TRIM2: variants seen among roughly 807,000 people sequenced by gnomAD.
TRIM2 encodes tripartite motif-containing protein 2.
A neutral mutation model predicts 75.2 loss-of-function variants in TRIM2; 20 were observed. The ratio of observed to expected loss-of-function variants is 0.27; its 90% CI spans 0.19 to 0.39. The LOEUF is 0.39. TRIM2 is among the 10% of genes least tolerant of loss of function. The pLI, the probability that TRIM2 is intolerant of heterozygous loss-of-function variation, is 1.00. For missense variants in TRIM2, 660 were observed against 990.8 expected (o/e 0.67, Z 4.48); for synonymous variants, 373 against 388.3 (o/e 0.96, Z 0.46).
intron 1 of TRIM2, among the ~76,000 whole-genome samples, chr4:153,234,389 G>A (rs1011732135): frequency 1.6e-4 from 24 of 152,318 alleles, no homozygotes; most frequent in Middle Eastern, 3.4e-3. Context: ...TTAGTGAGTT[G>A]CAGCCAGTTT....
intron 1 of TRIM2, among the ~76,000 whole-genome samples, chr4:153,159,277 C>T (rs1307032497): frequency 2.9e-5 from 4 of 136,472 alleles, no homozygotes; most frequent in African/African-American, 7.9e-5. Context: ...ATTAGAAGTT[C>T]ATTGAGTTTT....
chr4:153,284,482 G>T (rs1479233115), intron 3 of TRIM2, among the ~76,000 whole-genome samples: 1 of 152,212 alleles, frequency 6.6e-6, no homozygotes, highest in African/African-American at 2.4e-5. Flanking sequence ...GGGATTACAG[G>T]CATGAGCCAC....
chr4:153,189,215 A>T (rs1032346295), intron 1 of TRIM2, among the ~76,000 whole-genome samples: 2 of 152,182 alleles, frequency 1.3e-5, no homozygotes, highest in African/African-American at 4.8e-5. Flanking sequence ...TAAAATGAAG[A>T]CTGAGAGACC....
chr4:153,321,018 T>C (rs1768850401), intron 8 of TRIM2, among the ~76,000 whole-genome samples: 1 of 152,200 alleles, frequency 6.6e-6, no homozygotes, highest in Non-Finnish European at 1.5e-5. Flanking sequence ...TCTTATAGTT[T>C]CCCTGACTTA....
intron 6 of TRIM2, among the ~76,000 whole-genome samples, chr4:153,313,123 C>G (rs1402217840): frequency 6.6e-6 from 1 of 152,108 alleles, no homozygotes; most frequent in African/African-American, 2.4e-5. Flanking sequence ...GCACATATCC[C>G]CCTTCGAGGG....
chr4:153,276,315 C>T (rs759731204), intron 3 of TRIM2, 185 bp downstream of exon 3: 58 of 604,298 alleles, frequency 9.6e-5, no homozygotes, highest in Non-Finnish European at 1.3e-4. Context: ...ATTTAAATAA[C>T]GAAATCAATC....
intron 1 of TRIM2, among the ~76,000 whole-genome samples, chr4:153,167,927 A>G (rs907145332): frequency 1.3e-5 from 2 of 152,228 alleles, no homozygotes; most frequent in Non-Finnish European, 1.5e-5. Flanking sequence ...TTGGAAGCAC[A>G]GGAAATGGTA....
chr4:153,303,985 G>A (rs557087536), intron 6 of TRIM2, among the ~76,000 whole-genome samples: 1 of 152,292 alleles, frequency 6.6e-6, no homozygotes, highest in Admixed American at 6.5e-5. Context: ...CAGTTTAGAA[G>A]GAGACAGACA....
Position 153,166,749 on chromosome 4 carries a change from C to T in TRIM2, c.-49+13479C>T, listed in dbSNP as rs547679214. 3.3e-5 allele frequency among the ~76,000 whole-genome samples: 5 copies of T among 152,222 alleles called. No homozygotes were observed. In the East Asian group the frequency reaches 9.7e-4, roughly 29 times the overall value. On this transcript the variant is annotated intron_variant, in intron 1 of 11. Transcript: ENST00000437508. ...CTTTAATGGGACCATTTAGTTTCTT[C>T]TAAGACTAAGAAGCCTCCTAAGAAT...
At chr4:153,305,740 T>C (rs1443739026) in intron 6 of TRIM2, among the ~76,000 whole-genome samples, 1 of 152,258 alleles carries the variant, frequency 6.6e-6, no homozygotes, top group Non-Finnish European at 1.5e-5. Flanking sequence ...TCATGAGGGC[T>C]CTGCCCTCAC....
In TRIM2 at chr4:153,335,796, T is replaced by C. The variant is rs1465953514; in HGVS notation, c.*830T>C. The C allele has an allele frequency of 5.1e-6, 5 of 985,778 alleles. No individual in the cohort carries two copies. The African/African-American group carries it at 7.0e-5, about 14-fold the overall frequency. The allele number at this position is 985,778 out of a possible 1,614,324, so 61.1% of individuals were successfully genotyped here. A position where few individuals can be genotyped will look rare whatever the true frequency, so the allele number is the denominator to read the frequency against. On this transcript the variant is annotated 3_prime_UTR_variant, in exon 12 of 12. Transcript: ENST00000338700. ...GTAATCAAGAAAGTTAGTCATGTTT[T>C]ATGTACCATGTTTTCACACGTGTCT...
In TRIM2 at chr4:153,328,702, G is replaced by C. The variant is rs747871397; in HGVS notation, c.2163+32G>C. 38 of 1,537,478 alleles carry C rather than the reference G, an allele frequency of 2.5e-5. 1 individual carries two copies. The South Asian group carries it at 4.4e-4, about 18-fold the overall frequency. On this transcript the variant is annotated intron_variant, in intron 11 of 11. Transcript: ENST00000338700. Reference sequence around the variant, plus strand: ...CAATGTGCTAATGTATATGGTTAGAGTGTTTGGTATTTGTTAAAAGTGAAG... The same window carrying C: ...CAATGTGCTAATGTATATGGTTAGACTGTTTGGTATTTGTTAAAAGTGAAG...
At chr4:153,251,175 T>C (rs1310318360) in intron 1 of TRIM2, among the ~76,000 whole-genome samples, 1 of 152,170 alleles carries the variant, frequency 6.6e-6, no homozygotes, top group Non-Finnish European at 1.5e-5. Context: ...GTCCTGTTTG[T>C]CCTTAAAACC....
At chr4:153,296,660 A>C (rs969831638) in intron 6 of TRIM2, among the ~76,000 whole-genome samples, 14 of 152,136 alleles carry the variant, frequency 9.2e-5, no homozygotes, top group African/African-American at 2.9e-4. Flanking sequence ...GCAAGAAGGT[A>C]CCCGATGAGC....
chr4:153,265,016 CAATAATTATCATAAAGTTA>C (rs1297131702), intron 1 of TRIM2, among the ~76,000 whole-genome samples: 1 of 152,132 alleles, frequency 6.6e-6, no homozygotes, highest in Non-Finnish European at 1.5e-5. Context: ...TCACCCACTA[CAATAATTATCATAAAGTTA>C]GAATGAAATG....
At position 153,204,556 on chromosome 4, in the gene TRIM2, C is replaced by A; in HGVS notation, c.26C>A (p.Thr9Lys). The change falls in exon 1 of 12, where the codon ACG (threonine) becomes AAG (lysine). Residue 9 changes from threonine to lysine, a missense_variant. Transcript: ENST00000338700. ...ATGCACAGGAGTGGCCGTTATGGAACGCAGGTAAGGACGCTTCTCAATGTG... is the reference window on the plus strand; with the variant it reads ...ATGCACAGGAGTGGCCGTTATGGAAAGCAGGTAAGGACGCTTCTCAATGTG... MHRSGRYG[T>K]QQQRAGSKTA... 2 of 1,551,680 alleles carry A rather than the reference C, an allele frequency of 1.3e-6. No homozygotes were observed. The highest frequency in any genetic ancestry group is 8.7e-7 in the Non-Finnish European group (1 of 1,146,998).
At chr4:153,327,686 T>C (rs1770552250) in intron 10 of TRIM2, among the ~76,000 whole-genome samples, 1 of 152,216 alleles carries the variant, frequency 6.6e-6, no homozygotes, top group Non-Finnish European at 1.5e-5. Context: ...CAGTGATCTG[T>C]ATTGATACAT....
intron 1 of TRIM2, among the ~76,000 whole-genome samples, chr4:153,246,406 C>A (rs1231409625): frequency 6.6e-6 from 1 of 152,220 alleles, no homozygotes; most frequent in Admixed American, 6.5e-5. Flanking sequence ...AGAACACCAA[C>A]ATGCCTGTAT....
At chr4:153,234,463 C>A (rs1386407347) in intron 1 of TRIM2, among the ~76,000 whole-genome samples, 1 of 152,148 alleles carries the variant, frequency 6.6e-6, no homozygotes, top group African/African-American at 2.4e-5. Flanking sequence ...TCTCATGCAA[C>A]CTTTGTTTCA....
Sources: gnomAD v4.1 joint callset for allele counts (sites outside exome capture counted in the v4.1 genomes callset) on GRCh38, gnomAD v4.1.1 for gene constraint, MANE v1.5 for transcripts, NCBI Gene and HGNC (gene_info 2026-07-23, HGNC 2026-07-21) for gene names.